Variants in SAMHD1 observed in about 807,000 individuals in gnomAD.
SAMHD1 encodes SAM and HD domain containing deoxynucleoside triphosphate triphosphohydrolase 1, also known as deoxynucleoside triphosphate triphosphohydrolase SAMHD1.
A neutral mutation model predicts 79.6 loss-of-function variants in SAMHD1; 54 were observed. That is an observed-to-expected ratio of 0.68 (90% confidence interval 0.55 to 0.85). SAMHD1 has a LOEUF of 0.85. SAMHD1 is among the 40% of genes least tolerant of loss of function. The pLI, the probability that SAMHD1 is intolerant of heterozygous loss-of-function variation, is 0.00. For missense variants in SAMHD1, 663 were observed against 782.7 expected (o/e 0.85, Z 1.82); for synonymous variants, 260 against 264.1 (o/e 0.98, Z 0.15).
Position 36,892,449 on chromosome 20 carries a change from C to T in SAMHD1, c.*483G>A. The T allele has an allele frequency of 5.2e-6, 1 of 193,556 alleles. No homozygotes were observed. Among genetic ancestry groups the T allele is most frequent in the Non-Finnish European group, 1.1e-5 (1 of 92,954 alleles). 12.0% of individuals were successfully genotyped at this position (193,556 alleles called of 1,614,324 possible). On this transcript the variant is annotated 3_prime_UTR_variant, in exon 16 of 16. Transcript: ENST00000646673. Reference sequence around the variant, plus strand: ...GTCAATTTCTAGTTCCAATTTGTACCCTTGTCTCATTTCTACATTAAAAAC... The same window carrying T: ...GTCAATTTCTAGTTCCAATTTGTACTCTTGTCTCATTTCTACATTAAAAAC...
chr20:36,946,846 C>T lies in SAMHD1; in HGVS notation c.209-42G>A, dbSNP rs115958381. ...ACAAATTCAATGTATACAACATATG[C>T]TTTTCATTTTCTTTCAATTTGGATA... On this transcript the variant is annotated intron_variant, in intron 1 of 15. Coordinates refer to ENST00000646673, the MANE Select transcript of SAMHD1 (RefSeq NM_015474.4). 5.0e-5 allele frequency: 74 copies of T among 1,488,890 alleles called. No individual in the cohort carries two copies. The African/African-American group carries it at 8.8e-4, about 18-fold the overall frequency. The allele number at this position is 1,488,890 out of a possible 1,614,324, so 92.2% of individuals were successfully genotyped here.
At chr20:36,898,368 T>C (rs534216832) in intron 14 of SAMHD1, 72 bp downstream of exon 14, 40 of 1,171,448 alleles carry the variant, frequency 3.4e-5, no homozygotes, top group Middle Eastern at 2.3e-4. Flanking sequence ...CTAATTTGCA[T>C]ATAAAATGCT....
chr20:36,921,453 T>C (rs1410262740), intron 6 of SAMHD1, among the ~76,000 whole-genome samples: 1 of 109,590 alleles, frequency 9.1e-6, no homozygotes, highest in Non-Finnish European at 1.9e-5. Context: ...AGAGGAAAAA[T>C]AGTAACTTTA....
chr20:36,929,905 C>G (rs956467131), intron 5 of SAMHD1, among the ~76,000 whole-genome samples: 1 of 151,464 alleles, frequency 6.6e-6, no homozygotes, highest in Non-Finnish European at 1.5e-5. Flanking sequence ...ACCAAATAAC[C>G]GAAGGAAAAA....
chr20:36,920,125 A>T (rs528441248), intron 6 of SAMHD1, among the ~76,000 whole-genome samples: 43 of 152,144 alleles, frequency 2.8e-4, no homozygotes, highest in East Asian at 1.9e-3. Context: ...ATATTTTTTT[A>T]AAAAAAGAGA....
chr20:36,893,730 G>A, intron 15 of SAMHD1: 1 of 395,688 alleles, frequency 2.5e-6, no homozygotes, highest in Non-Finnish European at 4.4e-6. Flanking sequence ...CACGATCTTG[G>A]AGAGCCTCTG....
chr20:36,943,190 T>C (rs1450875170), intron 2 of SAMHD1, among the ~76,000 whole-genome samples: 7 of 152,112 alleles, frequency 4.6e-5, no homozygotes, highest in Non-Finnish European at 8.8e-5. Flanking sequence ...GTTGATTGCA[T>C]TGGTACTACT....
intron 15 of SAMHD1, 87 bp from the exon 16 acceptor site, chr20:36,893,153 T>G: frequency 6.7e-7 from 1 of 1,500,566 alleles, no homozygotes; most frequent in Non-Finnish European, 9.2e-7. Flanking sequence ...AGTGCGCACA[T>G]CCTCATCTTG....
chr20:36,926,852 T>C (rs2146127424), intron 6 of SAMHD1: 3 of 253,134 alleles, frequency 1.2e-5, no homozygotes, highest in Middle Eastern at 2.9e-3. Context: ...TATACAGTAG[T>C]ACAATGGAGC....
At chr20:36,912,411 G>T in intron 10 of SAMHD1, 50 bp downstream of exon 10, 2 of 1,147,630 alleles carry the variant, frequency 1.7e-6, no homozygotes, top group Non-Finnish European at 2.6e-6. Context: ...TGATACTCTA[G>T]CCAAGTATCA....
At chr20:36,912,016 G>A in intron 10 of SAMHD1, 1 of 199,548 alleles carries the variant, frequency 5.0e-6, no homozygotes, top group Non-Finnish European at 1.0e-5. Flanking sequence ...TTTACCATTT[G>A]GTACTAATTT....
At chr20:36,917,404 A>C (rs1482834877) in intron 7 of SAMHD1, among the ~76,000 whole-genome samples, 2 of 152,150 alleles carry the variant, frequency 1.3e-5, no homozygotes. Context: ...CTGTAATCTC[A>C]TCACTTTGGG....
intron 4 of SAMHD1, among the ~76,000 whole-genome samples, chr20:36,932,351 C>CCA (rs2063572791): frequency 1.4e-5 from 1 of 69,210 alleles, no homozygotes; most frequent in Non-Finnish European, 2.8e-5. Flanking sequence ...AACTCCGTCT[C>CCA]CAAAAAAAAA....
At chr20:36,923,641 A>G (rs1396445170) in intron 6 of SAMHD1, among the ~76,000 whole-genome samples, 1 of 152,122 alleles carries the variant, frequency 6.6e-6, no homozygotes, top group Non-Finnish European at 1.5e-5. Context: ...TAGGCAACAT[A>G]GTAAGACTCC....
At chr20:36,920,495 G>A (rs566487305) in intron 6 of SAMHD1, among the ~76,000 whole-genome samples, 2 of 151,780 alleles carry the variant, frequency 1.3e-5, no homozygotes, top group Non-Finnish European at 2.9e-5. Flanking sequence ...GCCTGGGTGC[G>A]GTGGCTCACA....
At chr20:36,920,166 T>G (rs1176690314) in intron 6 of SAMHD1, among the ~76,000 whole-genome samples, 3 of 152,090 alleles carry the variant, frequency 2.0e-5, no homozygotes, top group African/African-American at 7.2e-5. Context: ...CTGGCTAGAG[T>G]CCAGTGATGT....
intron 1 of SAMHD1, 99 bp from the exon 2 acceptor site, chr20:36,946,903 G>A (rs2146151689): frequency 2.2e-6 from 2 of 894,258 alleles, no homozygotes; most frequent in South Asian, 2.9e-5. Context: ...ACATAAGTGA[G>A]TACCCACTGC....
intron 7 of SAMHD1, among the ~76,000 whole-genome samples, chr20:36,919,081 A>G (rs530938114): frequency 1.3e-5 from 2 of 152,162 alleles, no homozygotes; most frequent in South Asian, 4.2e-4. Context: ...AGTTGCAGTG[A>G]GCTGAGATTG....
rs1990060901 is a variant in SAMHD1 at position 36,890,954 on chromosome 20, T to C, written c.*1978A>G. 1 of 152,118 alleles carries C rather than the reference T, an allele frequency of 6.6e-6. No individual in the cohort carries two copies. The highest frequency in any genetic ancestry group is 2.1e-4 in the South Asian group (1 of 4,834). The allele number at this position is 152,118 out of a possible 1,614,324, so 9.4% of individuals were successfully genotyped here. A position where few individuals can be genotyped will look rare whatever the true frequency, so the allele number is the denominator to read the frequency against. The stretch of plus-strand genomic sequence containing the variant: ...TACAGAATCTCAGAGTAAACCACAA[T>C]GATTTAAAGGTAAGATACACAGAAA... On this transcript the variant is annotated 3_prime_UTR_variant, in exon 16 of 16. Coordinates refer to ENST00000646673, the MANE Select transcript of SAMHD1 (RefSeq NM_015474.4).
Sources: allele counts gnomAD v4.1 joint callset (sites outside exome capture counted in the v4.1 genomes callset), GRCh38; gene constraint gnomAD v4.1.1; transcripts MANE v1.5; gene names NCBI Gene and HGNC (gene_info 2026-07-23, HGNC 2026-07-21).